IL1RAPL1: variants seen among roughly 807,000 people sequenced by gnomAD.
The protein encoded by IL1RAPL1 is interleukin-1 receptor accessory protein-like 1.
A neutral mutation model predicts 48.4 loss-of-function variants in IL1RAPL1; 3 were observed. That is an observed-to-expected ratio of 0.06 (90% CI 0.03 to 0.16). The LOEUF (loss-of-function observed/expected upper bound fraction) is 0.16. IL1RAPL1 is among the 10% of genes least tolerant of loss of function. IL1RAPL1 has a pLI of 1.00. For synonymous variants in IL1RAPL1, 185 were observed against 187.7 expected (o/e 0.99, Z 0.12); for missense variants, 349 against 530.6 (o/e 0.66, Z 3.36).
intron 2 of IL1RAPL1, among the ~76,000 whole-genome samples, chrX:29,102,310 G>A (rs1407835925): frequency 8.9e-6 from 1 of 111,993 alleles, no homozygotes; most frequent in Non-Finnish European, 1.9e-5. Flanking sequence ...GTGTAGTACT[G>A]GAAGTCCTAG....
chrX:29,273,393 G>T (rs1376922591), intron 2 of IL1RAPL1, among the ~76,000 whole-genome samples: 1 of 111,316 alleles, frequency 9.0e-6, no homozygotes, highest in Admixed American at 9.5e-5. Flanking sequence ...GAAGATTTTA[G>T]GGGGCCACGG....
intron 6 of IL1RAPL1, among the ~76,000 whole-genome samples, chrX:29,763,050 G>GTT (rs777501897): frequency 2.1e-5 from 2 of 94,129 alleles, no homozygotes; most frequent in South Asian, 4.8e-4. Flanking sequence ...AAAGTTTTTT[G>GTT]TTTTTTTTTT....
intron 3 of IL1RAPL1, among the ~76,000 whole-genome samples, chrX:29,346,480 A>G (rs897526349): frequency 2.7e-5 from 3 of 111,865 alleles, no homozygotes; most frequent in Non-Finnish European, 5.6e-5. Context: ...TTAAAAGGGG[A>G]TGTGGCTAAG....
intron 6 of IL1RAPL1, among the ~76,000 whole-genome samples, chrX:29,836,414 C>G (rs1398820240): frequency 9.0e-6 from 1 of 111,274 alleles, no homozygotes; most frequent in Non-Finnish European, 1.9e-5. Flanking sequence ...TGGTCTCGAT[C>G]TCCTGACCTT....
intron 2 of IL1RAPL1, among the ~76,000 whole-genome samples, chrX:28,972,431 A>T (rs1379288124): frequency 2.7e-5 from 3 of 111,772 alleles, no homozygotes; most frequent in Non-Finnish European, 5.6e-5. Context: ...TAAGAGACGG[A>T]ACTAAAATTC....
At chrX:29,192,358 C>G (rs2147528095) in intron 2 of IL1RAPL1, among the ~76,000 whole-genome samples, 1 of 112,226 alleles carries the variant, frequency 8.9e-6, no homozygotes, top group African/African-American at 3.2e-5. Flanking sequence ...AACAAGGTAT[C>G]TGGCATCCCT....
intron 5 of IL1RAPL1, among the ~76,000 whole-genome samples, chrX:29,464,202 T>C (rs1241272473): frequency 2.7e-5 from 3 of 112,236 alleles, no homozygotes; most frequent in African/African-American, 9.7e-5. Context: ...TAAATAATTA[T>C]TGAATTTCTA....
chrX:28,817,666 A>G (rs1232523850), intron 2 of IL1RAPL1, among the ~76,000 whole-genome samples: 1 of 111,572 alleles, frequency 9.0e-6, no homozygotes, highest in Non-Finnish European at 1.9e-5. Context: ...CAATTTTGGT[A>G]ACTTTTAAAA....
At chrX:28,796,990 G>A (rs973118421) in intron 2 of IL1RAPL1, among the ~76,000 whole-genome samples, 8 of 112,208 alleles carry the variant, frequency 7.1e-5, no homozygotes, top group South Asian at 7.4e-4. Flanking sequence ...CTTGACTTCC[G>A]TGCACTGCCA....
intron 2 of IL1RAPL1, among the ~76,000 whole-genome samples, chrX:28,898,005 G>A (rs975157696): frequency 4.5e-5 from 5 of 111,129 alleles, no homozygotes; most frequent in East Asian, 2.9e-4. Flanking sequence ...GGCAAGGACC[G>A]GCCATTTTCA....
chrX:28,724,223 G>A (rs1337553804), intron 1 of IL1RAPL1, among the ~76,000 whole-genome samples: 1 of 111,245 alleles, frequency 9.0e-6, no homozygotes, highest in Non-Finnish European at 1.9e-5. Context: ...TATTGAGTGG[G>A]AGTCTAAGTC....
chrX:28,784,253 G>A (rs1441984827), intron 1 of IL1RAPL1, among the ~76,000 whole-genome samples: 1 of 111,823 alleles, frequency 8.9e-6, no homozygotes, highest in Non-Finnish European at 1.9e-5. Context: ...TACTTTATCC[G>A]TGTCAGGCAC....
At chrX:28,704,075 A>G (rs1487910664) in intron 1 of IL1RAPL1, among the ~76,000 whole-genome samples, 2 of 111,810 alleles carry the variant, frequency 1.8e-5, no homozygotes, top group African/African-American at 6.5e-5. Flanking sequence ...GCATGAAATA[A>G]TAGGCAACAC....
chrX:29,794,401 A>G (rs1238209613), intron 6 of IL1RAPL1, among the ~76,000 whole-genome samples: 2 of 111,792 alleles, frequency 1.8e-5, no homozygotes, highest in Non-Finnish European at 3.8e-5. Context: ...AGCAATTATC[A>G]CGTTATTAGA....
chrX:29,310,146 A>C (rs1320561778), intron 3 of IL1RAPL1, among the ~76,000 whole-genome samples: 8 of 100,251 alleles, frequency 8.0e-5, no homozygotes, highest in South Asian at 4.2e-4. Flanking sequence ...AAAAAAAAAA[A>C]AACAAAAAAA....
chrX:29,902,590 C>A (rs1932516670), intron 6 of IL1RAPL1, among the ~76,000 whole-genome samples: 1 of 110,648 alleles, frequency 9.0e-6, no homozygotes, highest in African/African-American at 3.3e-5. Flanking sequence ...TTTGGCCTAA[C>A]TTGATATATA....
In IL1RAPL1 at chrX:28,905,856, A is replaced by G. The variant is rs749141485; in HGVS notation, c.82+116431A>G. Among the ~76,000 whole-genome samples the G allele has an allele frequency of 3.6e-5, 4 of 111,968 alleles. No homozygotes were observed. The East Asian group carries it at 1.1e-3, about 32-fold the overall frequency. On this transcript the variant is annotated intron_variant, in intron 2 of 10. Transcript: ENST00000378993. Reference sequence around the variant, plus strand: ...GTATGTGTGAGATATAATTCTTAGTAAGAGAAAGAAGGCCTGTAACTGAAA... The same window carrying G: ...GTATGTGTGAGATATAATTCTTAGTGAGAGAAAGAAGGCCTGTAACTGAAA...
chrX:29,297,619 G>A (rs2147609059), intron 3 of IL1RAPL1, among the ~76,000 whole-genome samples: 1 of 111,847 alleles, frequency 8.9e-6, no homozygotes, highest in South Asian at 3.7e-4. Context: ...TTCACTGTAG[G>A]GGTTGCTTAG....
At chrX:28,602,391 G>A (rs775897535) in intron 1 of IL1RAPL1, among the ~76,000 whole-genome samples, 1 of 111,627 alleles carries the variant, frequency 9.0e-6, no homozygotes, top group Admixed American at 9.5e-5. Context: ...ATTTTTGTCC[G>A]CATAGATTTG....
Sources: allele counts gnomAD v4.1 joint callset (sites outside exome capture counted in the v4.1 genomes callset), GRCh38; gene constraint gnomAD v4.1.1; transcripts MANE v1.5; gene names NCBI Gene and HGNC (gene_info 2026-07-23, HGNC 2026-07-21).